Variants in LLGL2 observed in about 807,000 individuals in gnomAD.
LLGL2 encodes LLGL scribble cell polarity complex component 2, also known as LLGL2, scribble cell polarity complex component.
Under a neutral mutation model 123.2 loss-of-function variants are expected in LLGL2, and 81 were observed. The observed-to-expected ratio is 0.66, with a 90% CI of 0.55 to 0.79. LLGL2 has a LOEUF of 0.79. Ranked by LOEUF, LLGL2 falls within the 30% of genes least tolerant of loss-of-function variation. The pLI is 0.00. For missense variants in LLGL2, 1,273 were observed against 1,414.6 expected, an observed-to-expected ratio of 0.90 and a Z score of 1.61; for synonymous variants, 577 against 594.1, an observed-to-expected ratio of 0.97 and a Z score of 0.42.
intron 17 of LLGL2, 49 bp from the exon 18 acceptor site, chr17:75,571,618 C>T: frequency 7.0e-7 from 1 of 1,433,282 alleles, no homozygotes; most frequent in Non-Finnish European, 9.7e-7. Flanking sequence ...CCCAGCTCCA[C>T]CCGACTCCCA....
Position 75,574,888 on chromosome 17 carries a change from C to T in LLGL2, c.*10C>T, listed in dbSNP as rs2055904082. The T allele has an allele frequency of 1.2e-6, 2 of 1,613,990 alleles. No individual in the cohort carries two copies. Among genetic ancestry groups the T allele is most frequent in the Middle Eastern group, 1.6e-4 (1 of 6,062 alleles). On this transcript the variant is annotated 3_prime_UTR_variant, in exon 26 of 26. Transcript: ENST00000392550. Reference sequence around the variant, plus strand: ...TCCTTCAGCAGAGTGAGTGGCTGAGCGTCCAGGCTGCGCGATGAGCACACA... The same window carrying T: ...TCCTTCAGCAGAGTGAGTGGCTGAGTGTCCAGGCTGCGCGATGAGCACACA...
Position 75,570,119 on chromosome 17 carries a change from T to C in LLGL2, c.1738T>C (p.Phe580Leu), listed in dbSNP as rs933981550. Reference sequence around the variant, plus strand: ...GCGCTTTGAGCCTGGCTTTCAGCCCTTCGTGTTGGTGCAGTGTCAGCCCCC... The same window carrying C: ...GCGCTTTGAGCCTGGCTTTCAGCCCCTCGTGTTGGTGCAGTGTCAGCCCCC... ...PVRFEPGFQP[F>L]VLVQCQPPAV... is the part of the protein sequence containing the mutation. The change falls in exon 15 of 26, where the codon TTC (phenylalanine) becomes CTC (leucine). Residue 580 changes from phenylalanine to leucine, a missense_variant. Transcript: ENST00000392550. 6.2e-7 allele frequency: 1 copy of C among 1,601,582 alleles called. No homozygotes were observed.
In LLGL2 at chr17:75,556,124, C is replaced by T. The variant is rs762917323; in HGVS notation, c.154C>T (p.Arg52Cys). 3 of 1,610,098 alleles carry T rather than the reference C, an allele frequency of 1.9e-6. No homozygotes were observed. Among genetic ancestry groups the T allele is most frequent in the Non-Finnish European group, 1.7e-6 (2 of 1,179,880 alleles). Reference sequence around the variant, plus strand: ...CCTGCGCATCCTGGCCATCGGCACCCGTTCTGGAGCCATCAAGCTGTATCC... The same window carrying T: ...CCTGCGCATCCTGGCCATCGGCACCTGTTCTGGAGCCATCAAGCTGTATCC... ...PSLRILAIGTRSGAIKLYGAP... is the reference protein window; with the variant it reads ...PSLRILAIGTCSGAIKLYGAP... Residue 52 changes from arginine (R) to cysteine (C), a missense_variant, in exon 3 of 26, where the codon CGT becomes TGT. Arg to Cys is a radical substitution (Grantham distance 180, BLOSUM62 -3). Transcript: ENST00000392550.
intron 1 of LLGL2, among the ~76,000 whole-genome samples, chr17:75,526,409 C>G (rs2053574672): frequency 6.6e-6 from 1 of 152,226 alleles, no homozygotes; most frequent in African/African-American, 2.4e-5. Context: ...GTGCGGAGAC[C>G]CAGTCTGCCC....
intron 1 of LLGL2, among the ~76,000 whole-genome samples, chr17:75,542,084 C>T (rs904386445): frequency 1.6e-4 from 24 of 152,032 alleles, no homozygotes; most frequent in African/African-American, 5.1e-4. Flanking sequence ...GTTCCTCTGC[C>T]CGAAGACACC....
chr17:75,569,410 A>AAC (rs1238052451), intron 14 of LLGL2, 85 bp downstream of exon 14: 1 of 1,114,986 alleles, frequency 9.0e-7, no homozygotes, highest in African/African-American at 1.5e-5. Context: ...CCACCTGCCT[A>AAC]ACGCACATTC....
chr17:75,553,206 C>G (rs1318888846), intron 2 of LLGL2, among the ~76,000 whole-genome samples: 1 of 152,238 alleles, frequency 6.6e-6, no homozygotes, highest in Non-Finnish European at 1.5e-5. Context: ...GAACAGGGAC[C>G]TGGGCTGGCC....
At position 75,573,075 on chromosome 17, in the gene LLGL2, C is replaced by G. The variant is rs2055798408; in HGVS notation, c.2522C>G (p.Ser841Ter). The change falls in exon 20 of 26, where the codon TCA becomes TGA. Residue 841 changes from serine to a stop codon, truncating the protein, a stop_gained. Coordinates refer to ENST00000392550, the MANE Select transcript of LLGL2 (RefSeq NM_001031803.2). LOFTEE classifies it high-confidence loss of function. Reference sequence around the variant, plus strand: ...TTGAAGCTGACGGCCCTGGAGGGCTCAAGAGTGCGGCGGGTCAGCGTGGCC... The same window carrying G: ...TTGAAGCTGACGGCCCTGGAGGGCTGAAGAGTGCGGCGGGTCAGCGTGGCC... Reference protein sequence around the residue: ...LKLKLTALEGSRVRRVSVAHF... With the variant: ...LKLKLTALEG 6.2e-7 allele frequency: 1 copy of G among 1,613,184 alleles called. No individual in the cohort carries two copies. Among genetic ancestry groups the G allele is most frequent in the Non-Finnish European group, 8.5e-7 (1 of 1,179,980 alleles).
At chr17:75,529,973 A>G (rs374432292) in intron 1 of LLGL2, among the ~76,000 whole-genome samples, 5 of 152,204 alleles carry the variant, frequency 3.3e-5, no homozygotes, top group African/African-American at 9.7e-5. Flanking sequence ...TAGTGTGGTC[A>G]CTGACCCGTG....
At chr17:75,550,513 G>A (rs1009291053) in intron 2 of LLGL2, among the ~76,000 whole-genome samples, 14 of 152,108 alleles carry the variant, frequency 9.2e-5, no homozygotes, top group Middle Eastern at 3.2e-3. Context: ...GGCCGGGCGC[G>A]GTGGCTTACA....
At chr17:75,572,563 G>A (rs1180409622) in intron 19 of LLGL2, among the ~76,000 whole-genome samples, 2 of 151,968 alleles carry the variant, frequency 1.3e-5, no homozygotes, top group African/African-American at 4.8e-5. Flanking sequence ...TACTCAGGAG[G>A]CTGAGGCAGG....
At chr17:75,568,303 G>A (rs2055533533) in intron 10 of LLGL2, 173 bp from the exon 11 acceptor site, 2 of 1,435,134 alleles carry the variant, frequency 1.4e-6, no homozygotes, top group African/African-American at 1.4e-5. Context: ...CAGAGCCAGG[G>A]CTACTGCCCA....
At chr17:75,574,778 A>T in intron 25 of LLGL2, 93 bp from the exon 26 acceptor site, 1 of 1,594,032 alleles carries the variant, frequency 6.3e-7, no homozygotes. Context: ...TGCCCTGATG[A>T]CCAGGAAAGC....
intron 1 of LLGL2, among the ~76,000 whole-genome samples, chr17:75,541,717 T>C (rs1159853389): frequency 2.4e-3 from 59 of 24,244 alleles, no homozygotes; most frequent in Middle Eastern, 0.014. Context: ...TGGCTCTGCT[T>C]TTTTTTTTTT....
chr17:75,540,083 A>G (rs577249125), intron 1 of LLGL2, among the ~76,000 whole-genome samples: 4 of 152,216 alleles, frequency 2.6e-5, no homozygotes, highest in African/African-American at 4.8e-5. Context: ...TCTGGAGGCC[A>G]TGTGGCTTGG....
intron 2 of LLGL2, among the ~76,000 whole-genome samples, chr17:75,550,705 C>T (rs1056324052): frequency 2.1e-5 from 3 of 145,988 alleles, no homozygotes; most frequent in Non-Finnish European, 4.4e-5. Flanking sequence ...CACTTGAGCC[C>T]GGGAGGAGGA....
At chr17:75,554,633 AT>A (rs1285894823) in intron 2 of LLGL2, among the ~76,000 whole-genome samples, 2 of 150,608 alleles carry the variant, frequency 1.3e-5, no homozygotes, top group African/African-American at 4.9e-5. Context: ...AAAATTAAAA[AT>A]TTTTGTCATG....
chr17:75,564,531 G>A lies in LLGL2; in HGVS notation c.1036+24G>A, dbSNP rs373341692. ...CAGTAGGAGAGCTTCGGGAGTGGGTGCCCAGGGTTAGGTGTGGGAGGCATG... is the reference window on the plus strand; with the variant it reads ...CAGTAGGAGAGCTTCGGGAGTGGGTACCCAGGGTTAGGTGTGGGAGGCATG... On this transcript the variant is annotated intron_variant, in intron 10 of 25. Transcript: ENST00000392550. This position sits in a 1 kb window ranked among gnomAD's most constrained non-coding sequence, Gnocchi z 4.9. 4.8e-5 allele frequency: 77 copies of A among 1,612,666 alleles called. No individual in the cohort carries two copies. Among genetic ancestry groups the A allele is most frequent in the Non-Finnish European group, 6.4e-5 (76 of 1,179,764 alleles).
At chr17:75,555,999 C>T (rs561970562) in intron 2 of LLGL2, 47 bp from the exon 3 acceptor site, 45 of 1,473,188 alleles carry the variant, frequency 3.1e-5, no homozygotes, top group Middle Eastern at 3.5e-4. Context: ...CATGGTGGCG[C>T]GAAGGGGACA....
Sources: allele counts gnomAD v4.1 joint callset (sites outside exome capture counted in the v4.1 genomes callset), GRCh38; gene constraint gnomAD v4.1.1; non-coding constraint Gnocchi (gnomAD v3.1); transcripts MANE v1.5; gene names NCBI Gene and HGNC (gene_info 2026-07-23, HGNC 2026-07-21).